KIAA1549: variants seen among roughly 807,000 people sequenced by gnomAD.
The protein encoded by KIAA1549 is UPF0606 protein KIAA1549.
KIAA1549 carries 70 observed loss-of-function variants against 156.4 expected under a neutral mutation model. That is an observed-to-expected ratio of 0.45 (90% confidence interval 0.37 to 0.55). KIAA1549 has a LOEUF of 0.55. KIAA1549 is among the 20% of genes least tolerant of loss of function. The pLI, the probability that KIAA1549 is intolerant of heterozygous loss-of-function variation, is 0.00. For missense variants in KIAA1549, 2,428 were observed against 2,540.9 expected (o/e 0.96, Z 0.96); for synonymous variants, 1,103 against 1,066.4 (o/e 1.03, Z -0.67).
intron 1 of KIAA1549, among the ~76,000 whole-genome samples, chr7:138,960,721 C>T (rs540596968): frequency 3.0e-4 from 42 of 140,364 alleles, no homozygotes; most frequent in South Asian, 1.1e-3. Flanking sequence ...AGGCACCTCA[C>T]AGAAGCGTAT....
chr7:138,972,598 A>C (rs1814252731), intron 1 of KIAA1549, among the ~76,000 whole-genome samples: 1 of 151,996 alleles, frequency 6.6e-6, no homozygotes, highest in Non-Finnish European at 1.5e-5. Flanking sequence ...GCTAGAGGAC[A>C]AAAATCACAC....
rs900203126 is a variant in KIAA1549 at position 138,836,549 on chromosome 7, G to A, written c.*1357C>T. ...TAGTGAAAATCTCTTAGCTAAGCCT[G>A]CTTTTCTTCTGAGTTTCACTCAGGT... On this transcript the variant is annotated 3_prime_UTR_variant, in exon 20 of 20. Transcript: ENST00000422774. 6 of 217,458 alleles carry A rather than the reference G, an allele frequency of 2.8e-5. No homozygotes were observed. In the East Asian group the frequency reaches 4.1e-4, roughly 15 times the overall value. 13.5% of individuals were successfully genotyped at this position (217,458 alleles called of 1,614,324 possible).
Position 138,981,342 on chromosome 7 carries a change from G to A in KIAA1549, c.-73C>T. The A allele has an allele frequency of 1.6e-6, 1 of 634,154 alleles. No homozygotes were observed. The allele number at this position is 634,154 out of a possible 1,614,324, so 39.3% of individuals were successfully genotyped here. A position where few individuals can be genotyped will look rare whatever the true frequency, so the allele number is the denominator to read the frequency against. The stretch of plus-strand genomic sequence containing the variant: ...TCCGGGAGGGGCGGCCGCTGCGGCT[G>A]CGGCTGGGACGGGGCGCCGCGCACC... On this transcript the variant is annotated 5_prime_UTR_variant, in exon 1 of 20. Coordinates refer to ENST00000422774, the MANE Select transcript of KIAA1549 (RefSeq NM_001164665.2). The surrounding 1 kb of genome is among the most constrained non-coding windows in gnomAD (Gnocchi z 4.5).
intron 1 of KIAA1549, among the ~76,000 whole-genome samples, chr7:138,958,495 C>T (rs1813737283): frequency 6.6e-6 from 1 of 152,334 alleles, no homozygotes; most frequent in Non-Finnish European, 1.5e-5. Context: ...CTTGTCAGGG[C>T]CACAGAAGTG....
rs140671457 is a variant in KIAA1549, at chr7:138,905,289, G to A, written c.3461-208C>T. ...GAGAGATAAAAAGAAAAGAAGGGCC[G>A]CTCCAGCTATGTCACAGGACACTGC... On this transcript the variant is annotated intron_variant, in intron 6 of 19. Coordinates refer to ENST00000422774, the MANE Select transcript of KIAA1549 (RefSeq NM_001164665.2). 7.2e-3 allele frequency among the ~76,000 whole-genome samples: 1,094 copies of A among 152,302 alleles called. 5 individuals are homozygous for A. The highest frequency in any genetic ancestry group is 0.012 in the Non-Finnish European group (814 of 68,018).
At chr7:138,848,194 G>C (rs1437241915) in intron 17 of KIAA1549, among the ~76,000 whole-genome samples, 1 of 152,078 alleles carries the variant, frequency 6.6e-6, no homozygotes, top group African/African-American at 2.4e-5. Context: ...TACTCTTTTT[G>C]TGTTTTTCTT....
At chr7:138,883,574 C>G (rs112928145) in intron 10 of KIAA1549, among the ~76,000 whole-genome samples, 2,158 of 152,200 alleles carry the variant, frequency 0.014, 58 homozygotes, top group African/African-American at 0.049. Context: ...ACCTTGGCCG[C>G]CCAAAGTGCT....
In KIAA1549 at chr7:138,922,544, C is replaced by T. The variant is rs371786860; in HGVS notation, c.188-3106G>A. Among the ~76,000 whole-genome samples, 98 of 151,946 alleles carry T rather than the reference C, an allele frequency of 6.4e-4. 1 individual carries two copies. The highest frequency in any genetic ancestry group is 2.2e-3 in the African/African-American group (93 of 41,460). ...TTTAATTCATTTAAAATAATAAAGA[C>T]TGAAAACATGAGTAATGAGCAAGAG... On this transcript the variant is annotated intron_variant, in intron 1 of 19. Coordinates refer to ENST00000422774, the MANE Select transcript of KIAA1549 (RefSeq NM_001164665.2).
At chr7:138,950,737 T>C (rs1415264007) in intron 1 of KIAA1549, among the ~76,000 whole-genome samples, 1 of 152,120 alleles carries the variant, frequency 6.6e-6, no homozygotes, top group Non-Finnish European at 1.5e-5. Flanking sequence ...CCTGCATGTA[T>C]GTCTTGGTAT....
intron 1 of KIAA1549, among the ~76,000 whole-genome samples, chr7:138,968,884 C>CTTGTG (rs1339584958): frequency 6.7e-6 from 1 of 150,088 alleles, no homozygotes; most frequent in Admixed American, 6.6e-5. Context: ...AAAAAAACAC[C>CTTGTG]TTGTGCTCCA....
intron 10 of KIAA1549, among the ~76,000 whole-genome samples, chr7:138,886,049 T>A (rs973723806): frequency 2.6e-5 from 4 of 152,118 alleles, no homozygotes; most frequent in African/African-American, 9.7e-5. Flanking sequence ...AGAAGTCTCC[T>A]GTGTTGACTG....
chr7:138,887,555 C>A (rs931924550), intron 10 of KIAA1549, among the ~76,000 whole-genome samples: 1 of 152,160 alleles, frequency 6.6e-6, no homozygotes, highest in Non-Finnish European at 1.5e-5. Flanking sequence ...TGCCTGTGGT[C>A]CGGGCAGCAT....
At position 138,883,599 on chromosome 7, in the gene KIAA1549, G is replaced by C. The variant is rs149038060; in HGVS notation, c.4033-2015C>G. On this transcript the variant is annotated intron_variant, in intron 10 of 19. Coordinates refer to ENST00000422774, the MANE Select transcript of KIAA1549 (RefSeq NM_001164665.2). ...CCCAAAGTGCTAGGATTACAGGTGT[G>C]AGCCACTGTGCCCTTGGAAAGACCC... 6.8e-3 allele frequency among the ~76,000 whole-genome samples: 1,042 copies of C among 152,232 alleles called. 9 individuals are homozygous for C. The highest frequency in any genetic ancestry group is 0.023 in the African/African-American group (963 of 41,530).
chr7:138,858,955 G>A (rs183341118), intron 16 of KIAA1549, among the ~76,000 whole-genome samples: 248 of 151,170 alleles, frequency 1.6e-3, no homozygotes, highest in Middle Eastern at 6.8e-3. Context: ...GCAGTGAGCC[G>A]ACATTGTGCC....
intron 1 of KIAA1549, among the ~76,000 whole-genome samples, chr7:138,937,702 C>T (rs939996402): frequency 6.6e-6 from 1 of 152,122 alleles, no homozygotes; most frequent in African/African-American, 2.4e-5. Context: ...GTGGAAATGG[C>T]TCATACGAAT....
At chr7:138,866,321 A>G (rs775380674) in intron 15 of KIAA1549, among the ~76,000 whole-genome samples, 1 of 152,208 alleles carries the variant, frequency 6.6e-6, no homozygotes, top group Non-Finnish European at 1.5e-5. Flanking sequence ...ATCCCAGTAT[A>G]ATGTTTGCAC....
At chr7:138,921,680 C>A (rs1290969164) in intron 1 of KIAA1549, among the ~76,000 whole-genome samples, 1 of 152,082 alleles carries the variant, frequency 6.6e-6, no homozygotes, top group East Asian at 1.9e-4. Flanking sequence ...GCCTGGCCAA[C>A]GTGGCAAAAC....
chr7:138,899,801 T>C (rs931652304), intron 8 of KIAA1549, among the ~76,000 whole-genome samples: 1 of 152,148 alleles, frequency 6.6e-6, no homozygotes, highest in Non-Finnish European at 1.5e-5. Flanking sequence ...ACCTCATAAA[T>C]TCATAATCTT....
chr7:138,892,334 G>A (rs1339984771), intron 10 of KIAA1549, among the ~76,000 whole-genome samples: 1 of 152,216 alleles, frequency 6.6e-6, no homozygotes, highest in Non-Finnish European at 1.5e-5. Flanking sequence ...GGACTTCCAT[G>A]GCAGTGTATA....
Sources: allele counts gnomAD v4.1 joint callset (sites outside exome capture counted in the v4.1 genomes callset), GRCh38; gene constraint gnomAD v4.1.1; non-coding constraint Gnocchi (gnomAD v3.1); transcripts MANE v1.5; gene names NCBI Gene and HGNC (gene_info 2026-07-23, HGNC 2026-07-21).